Variants in TANGO6 observed in about 807,000 individuals in gnomAD.
TANGO6 encodes the protein transport and Golgi organization protein 6 homolog.
TANGO6 carries 90 observed loss-of-function variants against 114.2 expected under a neutral mutation model. That is an observed-to-expected ratio of 0.79 (90% CI 0.66 to 0.94). TANGO6 has a LOEUF of 0.94. Among genes scored for constraint, TANGO6 ranks in the 40% least tolerant of loss-of-function variants. The pLI, the probability that TANGO6 is intolerant of heterozygous loss-of-function variation, is 0.00. For synonymous variants in TANGO6, 477 were observed against 509.8 expected, an observed-to-expected ratio of 0.94 and a Z score of 0.87; for missense variants, 1,274 against 1,315.3, an observed-to-expected ratio of 0.97 and a Z score of 0.49.
chr16:69,048,287 A>C (rs1474160886), intron 17 of TANGO6, among the ~76,000 whole-genome samples: 1 of 112,898 alleles, frequency 8.9e-6, no homozygotes, highest in Admixed American at 9.9e-5. Context: ...TTTTTTGTAG[A>C]GGTGGGGTTT....
chr16:68,990,455 C>G (rs1404484778), intron 15 of TANGO6, among the ~76,000 whole-genome samples: 1 of 152,120 alleles, frequency 6.6e-6, no homozygotes, highest in African/African-American at 2.4e-5. Flanking sequence ...GGGGAAACCG[C>G]CCCCATGATT....
chr16:68,970,227 G>A (rs919750008), intron 14 of TANGO6, among the ~76,000 whole-genome samples: 3 of 152,194 alleles, frequency 2.0e-5, no homozygotes, highest in Admixed American at 6.5e-5. Context: ...TGGTGGTGTT[G>A]TTACCAGAAG....
chr16:68,872,560 C>T (rs1962289754), intron 4 of TANGO6, among the ~76,000 whole-genome samples: 2 of 151,796 alleles, frequency 1.3e-5, no homozygotes, highest in Non-Finnish European at 2.9e-5. Flanking sequence ...CCTTGGACTC[C>T]CAAAGTGCTG....
Position 68,900,513 on chromosome 16 carries a change from A to G in TANGO6, c.1457A>G (p.Tyr486Cys). 1.2e-6 allele frequency: 2 copies of G among 1,613,794 alleles called. No individual in the cohort carries two copies. The highest frequency in any genetic ancestry group is 1.7e-6 in the Non-Finnish European group (2 of 1,179,806). ...GTCCTGGGAGTGCTTTTTCTTCTCT[A>G]CTGTTTTACTAAGCAGAGTGTGTCT... is the stretch of plus-strand genomic sequence containing the variant. ...LPVLGVLFLL[Y>C]CFTKQSVSHI... is the part of the protein sequence containing the mutation. The change falls in exon 8 of 18, where the codon TAC (tyrosine) becomes TGC (cysteine). Residue 486 changes from tyrosine to cysteine, a missense_variant. Physicochemically the swap from Tyr to Cys is radical, Grantham distance 194 (BLOSUM62 -2). Coordinates refer to ENST00000261778, the MANE Select transcript of TANGO6 (RefSeq NM_024562.2).
At chr16:68,913,291 C>T (rs921434327) in intron 11 of TANGO6, among the ~76,000 whole-genome samples, 1 of 151,662 alleles carries the variant, frequency 6.6e-6, no homozygotes, top group Non-Finnish European at 1.5e-5. Context: ...ACTGTATTGC[C>T]CAGGCCAGTC....
chr16:69,046,094 G>GA (rs777334058), intron 17 of TANGO6, among the ~76,000 whole-genome samples: 1 of 143,768 alleles, frequency 7.0e-6, no homozygotes, highest in African/African-American at 2.5e-5. Context: ...TAAAATTAAA[G>GA]AAAAAACCAA....
intron 14 of TANGO6, among the ~76,000 whole-genome samples, chr16:68,947,667 C>G (rs1189287833): frequency 1.4e-5 from 2 of 147,880 alleles, no homozygotes; most frequent in African/African-American, 5.0e-5. Flanking sequence ...TCACAGCTCA[C>G]TGCACGCTCT....
chr16:69,009,185 G>A lies in TANGO6; in HGVS notation c.2843-13643G>A, dbSNP rs143282057. On this transcript the variant is annotated intron_variant, in intron 15 of 17. Coordinates refer to ENST00000261778, the MANE Select transcript of TANGO6 (RefSeq NM_024562.2). ...AAATCTCCGCCTCACAGGTTCAAGCGATTCTCCTGTCTCAGCCTCCCAAAT... is the reference window on the plus strand; with the variant it reads ...AAATCTCCGCCTCACAGGTTCAAGCAATTCTCCTGTCTCAGCCTCCCAAAT... Among the ~76,000 whole-genome samples, 403 of 145,406 alleles carry A rather than the reference G, an allele frequency of 2.8e-3. 5 individuals are homozygous for A. Among genetic ancestry groups the A allele is most frequent in the African/African-American group, 9.6e-3 (377 of 39,110 alleles).
chr16:69,079,199 G>A (rs1012534254), intron 17 of TANGO6, among the ~76,000 whole-genome samples: 70 of 151,932 alleles, frequency 4.6e-4, no homozygotes, highest in Middle Eastern at 3.4e-3. Context: ...GCATGGTGGC[G>A]CATGCCTGTA....
intron 16 of TANGO6, 50 bp downstream of exon 16, chr16:69,023,029 C>T (rs377247268): frequency 2.5e-5 from 37 of 1,481,708 alleles, no homozygotes; most frequent in South Asian, 8.5e-5. Flanking sequence ...CTTGGACCTA[C>T]GATGCATCTT....
chr16:68,865,867 G>A (rs926562767), intron 3 of TANGO6, among the ~76,000 whole-genome samples: 11 of 151,618 alleles, frequency 7.3e-5, no homozygotes, highest in African/African-American at 2.4e-4. Context: ...GCAGCGAGCC[G>A]AGATCGTGCC....
chr16:69,070,937 C>G (rs1960290921), intron 17 of TANGO6, among the ~76,000 whole-genome samples: 1 of 151,808 alleles, frequency 6.6e-6, no homozygotes, highest in Non-Finnish European at 1.5e-5. Flanking sequence ...CCATGCCCAG[C>G]TAATTTTTGT....
At chr16:68,982,211 T>C (rs568752572) in intron 15 of TANGO6, among the ~76,000 whole-genome samples, 39 of 152,306 alleles carry the variant, frequency 2.6e-4, no homozygotes, top group African/African-American at 9.1e-4. Flanking sequence ...CTGCCACATA[T>C]AATTATGCAG....
rs188872985 is a variant in TANGO6, at chr16:68,977,804, G to A, written c.2842+3636G>A. Among the ~76,000 whole-genome samples the A allele has an allele frequency of 2.0e-5, 3 of 149,514 alleles. No homozygotes were observed. The East Asian group carries it at 6.3e-4, about 32-fold the overall frequency. ...GGGTTCAAGCGATTCTCCTGCCTCA[G>A]CCTCCCGAGTAGCTGGGACCACAGG... On this transcript the variant is annotated intron_variant, in intron 15 of 17. Transcript: ENST00000261778.
At chr16:68,983,129 C>T (rs1285012064) in intron 15 of TANGO6, among the ~76,000 whole-genome samples, 3 of 152,034 alleles carry the variant, frequency 2.0e-5, no homozygotes, top group Admixed American at 2.0e-4. Context: ...GAACTACAGG[C>T]GTGAGCCACC....
At chr16:68,890,237 A>G (rs1399957072) in intron 7 of TANGO6, among the ~76,000 whole-genome samples, 1 of 152,250 alleles carries the variant, frequency 6.6e-6, no homozygotes, top group Admixed American at 6.5e-5. Flanking sequence ...ATAAATTAAG[A>G]AAATATTTCC....
intron 17 of TANGO6, among the ~76,000 whole-genome samples, chr16:69,071,898 C>T (rs1036626731): frequency 2.6e-5 from 4 of 152,210 alleles, no homozygotes; most frequent in African/African-American, 7.2e-5. Context: ...TTCAGTTTGC[C>T]AAGCCTCTTC....
intron 14 of TANGO6, among the ~76,000 whole-genome samples, chr16:68,966,692 T>C (rs116446858): frequency 0.017 from 2,626 of 151,972 alleles, 89 homozygotes; most frequent in African/African-American, 0.06. Context: ...AAACCTTGAA[T>C]TACTGGGCTC....
chr16:68,944,427 G>A (rs527521852), intron 14 of TANGO6, among the ~76,000 whole-genome samples: 3 of 152,156 alleles, frequency 2.0e-5, no homozygotes, highest in Non-Finnish European at 2.9e-5. Flanking sequence ...TCAACCTGGA[G>A]GAAAAATATC....
Sources: allele counts gnomAD v4.1 joint callset (sites outside exome capture counted in the v4.1 genomes callset), GRCh38; gene constraint gnomAD v4.1.1; transcripts MANE v1.5; gene names NCBI Gene and HGNC (gene_info 2026-07-23, HGNC 2026-07-21).